The following CFAP44 variants were observed in gnomAD, a reference collection of about 807,000 sequenced individuals.
The protein encoded by CFAP44 is cilia- and flagella-associated protein 44.
Under a neutral mutation model 216.2 loss-of-function variants are expected in CFAP44, and 134 were observed. The observed-to-expected ratio is 0.62, with a 90% CI of 0.54 to 0.72. The LOEUF (loss-of-function observed/expected upper bound fraction) is 0.72. CFAP44 is among the 30% of genes least tolerant of loss of function. The pLI is 0.00. For missense variants in CFAP44, 2,035 were observed against 2,182.1 expected (o/e 0.93, Z 1.34); for synonymous variants, 700 against 727.6 (o/e 0.96, Z 0.61).
At chr3:113,383,268 G>C (rs1056982406) in intron 15 of CFAP44, among the ~76,000 whole-genome samples, 1 of 152,170 alleles carries the variant, frequency 6.6e-6, no homozygotes, top group Admixed American at 6.5e-5. Context: ...AGAGTTCTAG[G>C]AGCTGGGAAG....
chr3:113,326,445 C>A lies in CFAP44; in HGVS notation c.4516G>T (p.Asp1506Tyr). 1 of 1,488,372 alleles carries A rather than the reference C, an allele frequency of 6.7e-7. No individual in the cohort carries two copies. Among genetic ancestry groups the A allele is most frequent in the Non-Finnish European group, 8.9e-7 (1 of 1,127,926 alleles). 92.2% of individuals were successfully genotyped at this position (1,488,372 alleles called of 1,614,324 possible). A position where few individuals can be genotyped will look rare whatever the true frequency, so the allele number is the denominator to read the frequency against. ...TCATATGCAAGAAAGAAATACAAAC[C>A]AGCATCTCCTTCAACTTCTTTTTTC... ...VKKKEVEGDA[D>Y]EDEESEESSE... Residue 1506 changes from aspartate to tyrosine, a missense_variant and splice_region_variant, in exon 28 of 35, where the codon GAT becomes TAT. Around this residue, in one of 3 missense-constraint regions of CFAP44, gnomAD observed 1,883 missense variants for 2,023.7 expected, o/e 0.93. Transcript: ENST00000393845.
intron 10 of CFAP44, 67 bp from the exon 11 acceptor site, chr3:113,401,354 T>C (rs1348603136): frequency 1.1e-5 from 16 of 1,429,646 alleles, no homozygotes; most frequent in Non-Finnish European, 1.5e-5. Flanking sequence ...AAATGTTCTT[T>C]CTATGTTTTA....
At chr3:113,371,046 G>A (rs1933144182) in intron 18 of CFAP44, among the ~76,000 whole-genome samples, 1 of 152,104 alleles carries the variant, frequency 6.6e-6, no homozygotes. Context: ...CCTCTTCAAG[G>A]AGAACTACAA....
At chr3:113,333,952 A>G (rs568312649) in intron 24 of CFAP44, among the ~76,000 whole-genome samples, 6 of 152,054 alleles carry the variant, frequency 3.9e-5, no homozygotes, top group Middle Eastern at 3.4e-3. Flanking sequence ...AAAGTCAATT[A>G]AACTTTTTTT....
chr3:113,396,782 A>G, intron 13 of CFAP44, 55 bp from the exon 14 acceptor site: 1 of 1,511,120 alleles, frequency 6.6e-7, no homozygotes, highest in Non-Finnish European at 9.1e-7. Flanking sequence ...AGAAAGTTGT[A>G]CTATATAACA....
chr3:113,330,988 C>G (rs1269295777), intron 25 of CFAP44, among the ~76,000 whole-genome samples: 3 of 152,106 alleles, frequency 2.0e-5, no homozygotes, highest in African/African-American at 7.2e-5. Flanking sequence ...CTTCCAGGAG[C>G]CTTGTTCAAG....
At chr3:113,400,488 TA>T in intron 12 of CFAP44, 56 bp downstream of exon 12, 1 of 1,415,994 alleles carries the variant, frequency 7.1e-7, no homozygotes, top group Non-Finnish European at 9.4e-7. Flanking sequence ...ATAAAAATTT[TA>T]TTGCAAATAA....
At chr3:113,364,693 A>C (rs1950571723) in intron 19 of CFAP44, among the ~76,000 whole-genome samples, 1 of 152,170 alleles carries the variant, frequency 6.6e-6, no homozygotes, top group African/African-American at 2.4e-5. Flanking sequence ...AAATATGCCA[A>C]TCAGTTCCAA....
chr3:113,404,843 T>C (rs1387961103), intron 8 of CFAP44, among the ~76,000 whole-genome samples: 1 of 152,130 alleles, frequency 6.6e-6, no homozygotes, highest in Non-Finnish European at 1.5e-5. Context: ...AACTACCCAG[T>C]CAGCATTCTA....
intron 31 of CFAP44, chr3:113,304,353 A>C (rs1343548286): frequency 3.9e-6 from 2 of 513,108 alleles, no homozygotes; most frequent in Non-Finnish European, 6.9e-6. Flanking sequence ...GATCATGCCT[A>C]TTATCTACTG....
intron 1 of CFAP44, among the ~76,000 whole-genome samples, chr3:113,436,237 T>G (rs76663071): frequency 2.9e-5 from 3 of 102,188 alleles, no homozygotes; most frequent in Admixed American, 8.7e-5. Context: ...TGAGTAACTG[T>G]TTTTTTTTTT....
intron 15 of CFAP44, among the ~76,000 whole-genome samples, chr3:113,384,758 A>G (rs1372005235): frequency 1.3e-5 from 2 of 152,198 alleles, no homozygotes; most frequent in Non-Finnish European, 2.9e-5. Context: ...ACTTTGTTGT[A>G]TTTTGTTATG....
intron 25 of CFAP44, among the ~76,000 whole-genome samples, chr3:113,331,519 T>A (rs1950241046): frequency 6.6e-6 from 1 of 152,178 alleles, no homozygotes. Context: ...ATATTTACTA[T>A]CTGCAACACA....
intron 2 of CFAP44, among the ~76,000 whole-genome samples, chr3:113,429,598 G>T (rs1482722105): frequency 1.3e-5 from 2 of 151,946 alleles, no homozygotes; most frequent in Admixed American, 1.3e-4. Context: ...TTATATTAAT[G>T]TTCAGTTAAC....
In CFAP44 at chr3:113,291,620, G is replaced by A. The variant is rs775515132; in HGVS notation, c.5502C>T (p.Gly1834=). The A allele has an allele frequency of 7.7e-5, 118 of 1,537,116 alleles. 1 individual carries two copies. The East Asian group carries it at 1.3e-3, about 17-fold the overall frequency. ...ACTGAATGGGTGGGAGGATAAGACT[G>A]CCTTTCCTACGCAAAAGAGCAATCT... ...KEEIALLRRK[G]SLILPPIQSP... The change falls in exon 35 of 35, where the codon GGC becomes GGT. Residue 1834 remains glycine (G), a synonymous_variant. Transcript: ENST00000393845.
chr3:113,423,105 CTTTTTT>C (rs72395986), intron 4 of CFAP44, among the ~76,000 whole-genome samples: 2 of 79,158 alleles, frequency 2.5e-5, no homozygotes, highest in Admixed American at 1.9e-4. Context: ...CTGATCCTTC[CTTTTTT>C]TTTTTTTTTT....
chr3:113,358,060 A>G (rs1950507463), intron 22 of CFAP44, among the ~76,000 whole-genome samples: 2 of 152,170 alleles, frequency 1.3e-5, no homozygotes, highest in Admixed American at 6.5e-5. Context: ...TAGACATCAT[A>G]TGAGTTTTAA....
intron 32 of CFAP44, among the ~76,000 whole-genome samples, chr3:113,298,914 T>C (rs1208151471): frequency 1.3e-5 from 2 of 152,208 alleles, no homozygotes; most frequent in African/African-American, 4.8e-5. Flanking sequence ...ATGGTGGTGA[T>C]GGTTGCACAA....
chr3:113,401,683 C>T lies in CFAP44; in HGVS notation c.1227G>A (p.Leu409=). The T allele has an allele frequency of 6.2e-7, 1 of 1,613,528 alleles. No individual in the cohort carries two copies. The highest frequency in any genetic ancestry group is 2.2e-5 in the East Asian group (1 of 44,780). The change falls in exon 10 of 35, where the codon TTG becomes TTA. Residue 409 remains leucine, a synonymous_variant. Transcript: ENST00000393845. Reference sequence around the variant, plus strand: ...GAAGTTCATTAATAGGCTCAATCTCCAACAATCCAGTCTCATCTATTACAT... The same window carrying T: ...GAAGTTCATTAATAGGCTCAATCTCTAACAATCCAGTCTCATCTATTACAT... ...TADVIDETGL[L]EIEPINELQV... is the part of the protein sequence containing the mutation.
Sources: allele counts gnomAD v4.1 joint callset (sites outside exome capture counted in the v4.1 genomes callset), GRCh38; gene constraint gnomAD v4.1.1; regional missense constraint gnomAD v4.1.1; transcripts MANE v1.5; gene names NCBI Gene and HGNC (gene_info 2026-07-23, HGNC 2026-07-21).